Variants in CNTNAP5 observed in about 807,000 individuals in gnomAD.
CNTNAP5 encodes contactin-associated protein-like 5.
CNTNAP5 carries 72 observed loss-of-function variants against 150.2 expected under a neutral mutation model. That is an observed-to-expected ratio of 0.48 (90% CI 0.40 to 0.58). CNTNAP5 has a LOEUF of 0.58. Among genes scored for constraint, CNTNAP5 ranks in the 20% least tolerant of loss-of-function variants. CNTNAP5 has a pLI of 0.00. For missense variants in CNTNAP5, 1,636 were observed against 1,626.2 expected, an observed-to-expected ratio of 1.01 and a Z score of -0.10; for synonymous variants, 672 against 619.8, an observed-to-expected ratio of 1.08 and a Z score of -1.25.
intron 4 of CNTNAP5, among the ~76,000 whole-genome samples, chr2:124,421,299 G>A (rs906629379): frequency 6.6e-6 from 1 of 152,152 alleles, no homozygotes; most frequent in African/African-American, 2.4e-5. Context: ...ATAGCAAAAT[G>A]GAACTCTAGA....
intron 1 of CNTNAP5, among the ~76,000 whole-genome samples, chr2:124,091,014 A>G (rs1573746921): frequency 1.3e-5 from 2 of 152,216 alleles, no homozygotes; most frequent in African/African-American, 4.8e-5. Flanking sequence ...GAAGAAATCC[A>G]CCTGGGGGAA....
At chr2:124,588,224 C>CTT (rs753596840) in intron 11 of CNTNAP5, among the ~76,000 whole-genome samples, 3 of 113,520 alleles carry the variant, frequency 2.6e-5, no homozygotes, top group Admixed American at 1.0e-4. Flanking sequence ...TTCTTTCTTT[C>CTT]TTTCTTTCTT....
intron 3 of CNTNAP5, among the ~76,000 whole-genome samples, chr2:124,376,244 A>G (rs535976858): frequency 6.6e-6 from 1 of 152,220 alleles, no homozygotes; most frequent in South Asian, 2.1e-4. Context: ...GCTGCCATTT[A>G]TTTAACATAA....
At chr2:124,451,504 A>C (rs113581187) in intron 6 of CNTNAP5, among the ~76,000 whole-genome samples, 1 of 152,078 alleles carries the variant, frequency 6.6e-6, no homozygotes, top group South Asian at 2.1e-4. Context: ...AGAACTTTAA[A>C]AAGTACTACA....
chr2:124,033,799 G>A (rs1681130090), intron 1 of CNTNAP5, among the ~76,000 whole-genome samples: 1 of 152,190 alleles, frequency 6.6e-6, no homozygotes, highest in Admixed American at 6.5e-5. Context: ...AATATGGGTA[G>A]AGTTGTGTGG....
At chr2:124,905,777 G>A (rs1678523008) in intron 22 of CNTNAP5, among the ~76,000 whole-genome samples, 1 of 152,164 alleles carries the variant, frequency 6.6e-6, no homozygotes, top group African/African-American at 2.4e-5. Context: ...AAGGAATGGG[G>A]TGAACCAGGT....
At chr2:124,297,283 C>T (rs1252078987) in intron 3 of CNTNAP5, among the ~76,000 whole-genome samples, 1 of 152,168 alleles carries the variant, frequency 6.6e-6, no homozygotes, top group Non-Finnish European at 1.5e-5. Flanking sequence ...GGTAACCACA[C>T]CCACAGTTCT....
intron 3 of CNTNAP5, among the ~76,000 whole-genome samples, chr2:124,413,316 A>G (rs1312442909): frequency 1.3e-5 from 2 of 151,488 alleles, no homozygotes; most frequent in African/African-American, 4.9e-5. Flanking sequence ...TGTGGAAGTC[A>G]TTGTGGCGAT....
intron 12 of CNTNAP5, among the ~76,000 whole-genome samples, chr2:124,610,552 A>G (rs1173097666): frequency 6.6e-6 from 1 of 152,220 alleles, no homozygotes; most frequent in African/African-American, 2.4e-5. Flanking sequence ...TCTCAAATGC[A>G]GAAGGACATG....
chr2:124,696,737 G>A (rs958137857), intron 13 of CNTNAP5, among the ~76,000 whole-genome samples: 3 of 152,082 alleles, frequency 2.0e-5, no homozygotes, highest in East Asian at 1.9e-4. Flanking sequence ...AATACATGAC[G>A]ATCTTCAATT....
chr2:124,589,107 T>C (rs1045999498), intron 11 of CNTNAP5, among the ~76,000 whole-genome samples: 3 of 152,204 alleles, frequency 2.0e-5, no homozygotes, highest in Non-Finnish European at 4.4e-5. Context: ...CTCACCTGGC[T>C]GTGCAAGCCT....
intron 11 of CNTNAP5, among the ~76,000 whole-genome samples, chr2:124,584,927 A>T (rs981946587): frequency 6.6e-6 from 1 of 152,198 alleles, no homozygotes. Context: ...TTACAGATAG[A>T]GCCCTTACTA....
chr2:124,564,287 A>G (rs1504014), intron 11 of CNTNAP5, among the ~76,000 whole-genome samples: 149,218 of 152,240 alleles, frequency 0.98, 73,212 homozygotes, highest in East Asian at 1. Context: ...GGTGTACACA[A>G]GATAAGGAGT....
intron 17 of CNTNAP5, among the ~76,000 whole-genome samples, chr2:124,785,052 AAAAAAC>A (rs1181613219): frequency 2.0e-3 from 308 of 151,444 alleles, no homozygotes; most frequent in Admixed American, 4.3e-3. Flanking sequence ...AAAAAAAAAA[AAAAAAC>A]AAAAGAAAAA....
chr2:124,390,266 T>C (rs58394517), intron 3 of CNTNAP5, among the ~76,000 whole-genome samples: 8,027 of 152,324 alleles, frequency 0.053, 241 homozygotes, highest in Non-Finnish European at 0.069. Flanking sequence ...ATTTCTCATC[T>C]GCATCTTCCG....
chr2:124,903,020 A>T lies in CNTNAP5; in HGVS notation c.3575A>T (p.His1192Leu), dbSNP rs1678446151. 6.2e-7 allele frequency: 1 copy of T among 1,610,752 alleles called. No homozygotes were observed. Among genetic ancestry groups the T allele is most frequent in the Non-Finnish European group, 8.5e-7 (1 of 1,178,426 alleles). The part of the protein sequence containing the change: ...RHATVAPVTV[H>L]GTLTESSCGF... ...GCCACTGTCGCGCCTGTGACTGTCC[A>T]TGGGACCTTGACGGAATCCAGCTGT... The change falls in exon 22 of 24, where the codon CAT becomes CTT. Residue 1192 changes from histidine (H) to leucine (L), a missense_variant. Transcript: ENST00000682447.
intron 3 of CNTNAP5, among the ~76,000 whole-genome samples, chr2:124,278,351 A>G (rs1262586639): frequency 6.6e-6 from 1 of 152,130 alleles, no homozygotes; most frequent in African/African-American, 2.4e-5. Flanking sequence ...AAAGTAAGGC[A>G]TTTGCTCCTA....
At chr2:124,233,831 T>C (rs752731636) in intron 2 of CNTNAP5, among the ~76,000 whole-genome samples, 2 of 151,342 alleles carry the variant, frequency 1.3e-5, no homozygotes, top group Non-Finnish European at 2.9e-5. Context: ...TGGTAGACAC[T>C]AACCATACTA....
intron 1 of CNTNAP5, among the ~76,000 whole-genome samples, chr2:124,166,858 T>C (rs866566114): frequency 1.3e-5 from 2 of 152,156 alleles, no homozygotes; most frequent in Non-Finnish European, 2.9e-5. Flanking sequence ...CTCTTTGTCC[T>C]TTGATAAAAC....
Sources: allele counts gnomAD v4.1 joint callset (sites outside exome capture counted in the v4.1 genomes callset), GRCh38; gene constraint gnomAD v4.1.1; transcripts MANE v1.5; gene names NCBI Gene and HGNC (gene_info 2026-07-23, HGNC 2026-07-21).